The following PRKCE variants were observed in gnomAD, a reference collection of about 807,000 sequenced individuals.
PRKCE encodes the protein protein kinase C epsilon type.
PRKCE carries 16 observed loss-of-function variants against 85.4 expected under a neutral mutation model. The observed-to-expected ratio is 0.19, with a 90% CI of 0.13 to 0.28. PRKCE has a LOEUF of 0.28. Among genes scored for constraint, PRKCE ranks in the 10% least tolerant of loss-of-function variants. The pLI is 1.00. For missense variants in PRKCE, 573 were observed against 975.2 expected, an observed-to-expected ratio of 0.59 and a Z score of 5.49; for synonymous variants, 388 against 371.5, an observed-to-expected ratio of 1.04 and a Z score of -0.51.
intron 11 of PRKCE, among the ~76,000 whole-genome samples, chr2:46,097,536 A>G (rs1160127849): frequency 6.7e-6 from 1 of 150,228 alleles, no homozygotes; most frequent in Non-Finnish European, 1.5e-5. Flanking sequence ...AAAAAAAAAA[A>G]AGCTGTGAAG....
In PRKCE at chr2:46,010,382, T is replaced by C. The variant is rs1207743261; in HGVS notation, c.1302T>C (p.Tyr434=). 6.3e-7 allele frequency: 1 copy of C among 1,599,462 alleles called. No individual in the cohort carries two copies. Among genetic ancestry groups the C allele is most frequent in the Admixed American group, 1.7e-5 (1 of 60,006 alleles). The change falls in exon 10 of 15, where the codon TAT becomes TAC. Residue 434 remains tyrosine, a synonymous_variant. Transcript: ENST00000306156. The part of the protein sequence containing the change: ...LAELKGKDEV[Y]AVKVLKKDVI... ...AACTCAAGGGCAAAGATGAAGTATA[T>C]GCTGTGAAGGTCTTAAAGAAGGACG...
intron 2 of PRKCE, 44 bp from the exon 3 acceptor site, chr2:45,976,385 C>A: frequency 6.3e-7 from 1 of 1,584,036 alleles, no homozygotes; most frequent in Non-Finnish European, 8.5e-7. Flanking sequence ...TGAAGGTGCA[C>A]TAACCCAGAC....
chr2:46,110,321 A>T (rs1672131682), intron 11 of PRKCE, among the ~76,000 whole-genome samples: 1 of 152,066 alleles, frequency 6.6e-6, no homozygotes, highest in Non-Finnish European at 1.5e-5. Context: ...TCTGGGTCTT[A>T]TACTTTCTTT....
chr2:46,180,968 C>A (rs144673590), intron 14 of PRKCE, among the ~76,000 whole-genome samples: 115 of 152,286 alleles, frequency 7.6e-4, no homozygotes, highest in Non-Finnish European at 1.4e-3. Context: ...GAATGTTGTT[C>A]CCTGTGTCCC....
rs1143691 is a variant in PRKCE at position 46,086,342 on chromosome 2, C to T, written c.1572C>T (p.His524=). The T allele has an allele frequency of 0.1, 164,996 of 1,599,336 alleles. 11,785 individuals carry two copies. The highest frequency in any genetic ancestry group is 0.37 in the East Asian group (16,582 of 44,850). The change falls in exon 11 of 15, where the codon CAC becomes CAT. Residue 524 remains histidine, a synonymous_variant. Transcript: ENST00000306156. ...AEVTSALMFL[H]QHGVIYRDLK... ...TCACATCGGCCCTCATGTTCCTCCA[C>T]CAGCATGGAGTCATCTACAGGTAGC...
chr2:45,820,182 C>G (rs979682038), intron 1 of PRKCE, among the ~76,000 whole-genome samples: 3 of 152,150 alleles, frequency 2.0e-5, no homozygotes, highest in African/African-American at 4.8e-5. Context: ...ATCATTCAAC[C>G]AACAAGAGTT....
rs1688774102 is a variant in PRKCE, at chr2:45,813,183, A to G, written c.349-29817A>G. ...TGCGCTAATCACCAGCCAGGAAGCCATTACACCTTCCTGAGGCACTTATCT... is the reference window on the plus strand; with the variant it reads ...TGCGCTAATCACCAGCCAGGAAGCCGTTACACCTTCCTGAGGCACTTATCT... On this transcript the variant is annotated intron_variant, in intron 1 of 14. Transcript: ENST00000306156. Among the ~76,000 whole-genome samples, 7 of 152,284 alleles carry G rather than the reference A, an allele frequency of 4.6e-5. No individual in the cohort carries two copies. In the South Asian group the frequency reaches 1.5e-3, roughly 32 times the overall value.
chr2:45,732,838 G>A (rs1215798481), intron 1 of PRKCE, among the ~76,000 whole-genome samples: 1 of 152,210 alleles, frequency 6.6e-6, no homozygotes, highest in African/African-American at 2.4e-5. Flanking sequence ...ACTGTTTTCT[G>A]AGTTCTCCTA....
At chr2:45,833,828 G>C (rs994631367) in intron 1 of PRKCE, among the ~76,000 whole-genome samples, 2 of 152,108 alleles carry the variant, frequency 1.3e-5, no homozygotes, top group East Asian at 3.9e-4. Context: ...AGAATGCTTG[G>C]GTAGGTGGCT....
chr2:46,125,301 G>C (rs1031840106), intron 11 of PRKCE, among the ~76,000 whole-genome samples: 4 of 152,214 alleles, frequency 2.6e-5, no homozygotes, highest in Non-Finnish European at 5.9e-5. Flanking sequence ...TGGTTGACAA[G>C]GAGGACTGTT....
At chr2:45,666,961 C>G (rs995511041) in intron 1 of PRKCE, among the ~76,000 whole-genome samples, 1 of 152,168 alleles carries the variant, frequency 6.6e-6, no homozygotes, top group Non-Finnish European at 1.5e-5. Flanking sequence ...TTGCCTCAGC[C>G]TCCCAAGTAG....
Position 45,656,019 on chromosome 2 carries a change from T to C in PRKCE, c.348+3571T>C, listed in dbSNP as rs1380705360. Among the ~76,000 whole-genome samples, 5 of 152,154 alleles carry C rather than the reference T, an allele frequency of 3.3e-5. 1 individual carries two copies. Among genetic ancestry groups the C allele is most frequent in the Admixed American group, 2.6e-4 (4 of 15,286 alleles). ...GCAGGAATAAAGGCAGACAATCCTG[T>C]AGTCAGGGTTGGAGAATGGATGAGC... is the stretch of plus-strand genomic sequence containing the variant. On this transcript the variant is annotated intron_variant, in intron 1 of 14. Coordinates refer to ENST00000306156, the MANE Select transcript of PRKCE (RefSeq NM_005400.3).
chr2:45,790,879 G>T (rs562933414), intron 1 of PRKCE, among the ~76,000 whole-genome samples: 1 of 152,208 alleles, frequency 6.6e-6, no homozygotes, highest in African/African-American at 2.4e-5. Flanking sequence ...TGGTGCTGGT[G>T]GTGGTAAGCG....
chr2:46,032,592 G>A (rs958347344), intron 10 of PRKCE, among the ~76,000 whole-genome samples: 1 of 152,138 alleles, frequency 6.6e-6, no homozygotes, highest in African/African-American at 2.4e-5. Flanking sequence ...AAAAGTTCCA[G>A]GATGACTTGG....
At chr2:46,012,994 A>C (rs764468164) in intron 10 of PRKCE, among the ~76,000 whole-genome samples, 4 of 152,188 alleles carry the variant, frequency 2.6e-5, no homozygotes, top group Non-Finnish European at 5.9e-5. Flanking sequence ...GGCCACTGTC[A>C]GGCAGCCACA....
chr2:46,011,000 C>A (rs1055387270), intron 10 of PRKCE: 6 of 1,314,452 alleles, frequency 4.6e-6, no homozygotes, highest in Non-Finnish European at 5.9e-6. Flanking sequence ...TATAAGGCAG[C>A]ATTTTTAATT....
At chr2:46,112,085 T>C (rs1432591727) in intron 11 of PRKCE, among the ~76,000 whole-genome samples, 1 of 152,228 alleles carries the variant, frequency 6.6e-6, no homozygotes, top group Non-Finnish European at 1.5e-5. Flanking sequence ...GTTAGTTGTA[T>C]ACCTGTTTAG....
rs56081438 is a variant in PRKCE, at chr2:46,026,683, A to G, written c.1437+16166A>G. Reference sequence around the variant, plus strand: ...TGGGATGTTTAAGGGATGTTTTTGAAGGGGATTTATAAGAGAGTAAATGAG... The same window carrying G: ...TGGGATGTTTAAGGGATGTTTTTGAGGGGGATTTATAAGAGAGTAAATGAG... On this transcript the variant is annotated intron_variant, in intron 10 of 14. Coordinates refer to ENST00000306156, the MANE Select transcript of PRKCE (RefSeq NM_005400.3). Among the ~76,000 whole-genome samples, 1,169 of 152,286 alleles carry G rather than the reference A, an allele frequency of 7.7e-3. 12 individuals are homozygous for G. Among genetic ancestry groups the G allele is most frequent in the South Asian group, 1.0e-2 (48 of 4,820 alleles).
At chr2:45,731,792 A>AT (rs1239227809) in intron 1 of PRKCE, among the ~76,000 whole-genome samples, 2 of 151,864 alleles carry the variant, frequency 1.3e-5, no homozygotes, top group Middle Eastern at 3.4e-3. Context: ...CCTGGCTAGA[A>AT]TTTTTTGTAG....
Sources: allele counts gnomAD v4.1 joint callset (sites outside exome capture counted in the v4.1 genomes callset), GRCh38; gene constraint gnomAD v4.1.1; transcripts MANE v1.5; gene names NCBI Gene and HGNC (gene_info 2026-07-23, HGNC 2026-07-21).